The following SPIDR variants were observed in gnomAD, a reference collection of about 807,000 sequenced individuals.
The protein encoded by SPIDR is DNA repair-scaffolding protein.
Under a neutral mutation model 104.6 loss-of-function variants are expected in SPIDR, and 93 were observed. The ratio of observed to expected loss-of-function variants is 0.89; its 90% CI spans 0.75 to 1.06. The LOEUF is 1.06. Ranked by LOEUF, SPIDR falls within the 50% of genes least tolerant of loss-of-function variation. The pLI is 0.00. For missense variants in SPIDR, 1,154 were observed against 1,111.2 expected, an observed-to-expected ratio of 1.04 and a Z score of -0.55; for synonymous variants, 431 against 416.9, an observed-to-expected ratio of 1.03 and a Z score of -0.41.
chr8:47,714,951 C>A (rs79736159), intron 16 of SPIDR, among the ~76,000 whole-genome samples: 12 of 152,138 alleles, frequency 7.9e-5, no homozygotes, highest in Non-Finnish European at 1.8e-4. Context: ...CTTTATTGAG[C>A]TATAACTCAG....
At chr8:47,674,868 CCT>C (rs2076225309) in intron 11 of SPIDR, among the ~76,000 whole-genome samples, 1 of 152,180 alleles carries the variant, frequency 6.6e-6, no homozygotes, top group African/African-American at 2.4e-5. Flanking sequence ...GTCTCTCTTT[CCT>C]GTGGCACCGT....
intron 8 of SPIDR, chr8:47,511,901 G>C (rs1231530410): frequency 7.5e-6 from 6 of 797,116 alleles, no homozygotes; most frequent in African/African-American, 1.7e-5. Flanking sequence ...TCCTCATCTT[G>C]GTCATGAGTG....
At chr8:47,317,969 G>A (rs1268767884) in intron 5 of SPIDR, among the ~76,000 whole-genome samples, 4 of 152,082 alleles carry the variant, frequency 2.6e-5, no homozygotes, top group Non-Finnish European at 5.9e-5. Context: ...AGACCCAAAG[G>A]TAGATAAAAC....
chr8:47,693,047 TAG>T (rs1440290038), intron 11 of SPIDR, among the ~76,000 whole-genome samples: 1 of 152,218 alleles, frequency 6.6e-6, no homozygotes, highest in Non-Finnish European at 1.5e-5. Context: ...CTAATCTTGT[TAG>T]AGTCTTAAGG....
chr8:47,506,025 A>G (rs917796320), intron 8 of SPIDR, among the ~76,000 whole-genome samples: 8 of 152,234 alleles, frequency 5.3e-5, no homozygotes, highest in Non-Finnish European at 8.8e-5. Context: ...ATGGAAAATT[A>G]TGCCTTCTGT....
intron 10 of SPIDR, among the ~76,000 whole-genome samples, chr8:47,664,465 AAC>A (rs2074600779): frequency 6.6e-6 from 1 of 152,322 alleles, no homozygotes; most frequent in South Asian, 2.1e-4. Flanking sequence ...TGTCTAACCA[AAC>A]AGAGTGTCAA....
At chr8:47,299,241 T>A (rs1248043704) in intron 5 of SPIDR, among the ~76,000 whole-genome samples, 3 of 152,202 alleles carry the variant, frequency 2.0e-5, no homozygotes, top group African/African-American at 7.2e-5. Flanking sequence ...TCACTCATGA[T>A]TTGGCTCTCT....
chr8:47,280,130 G>A (rs1412152320), intron 2 of SPIDR, 113 bp downstream of exon 2: 35 of 1,080,946 alleles, frequency 3.2e-5, no homozygotes, highest in Admixed American at 4.7e-5. Flanking sequence ...TCAGAACACT[G>A]TAACTGGTAC....
Position 47,440,621 on chromosome 8 carries a change from T to G in SPIDR, c.1097+79T>G, listed in dbSNP as rs1214821417. On this transcript the variant is annotated intron_variant, in intron 8 of 19. Transcript: ENST00000297423. ...GAAAAGACATTTTTATCAGTTACAT[T>G]TTTGTCACTTTATCATAGAGCAATG... is the stretch of plus-strand genomic sequence containing the variant. 10 of 1,424,652 alleles carry G rather than the reference T, an allele frequency of 7.0e-6. No individual in the cohort carries two copies. In the African/African-American group the frequency reaches 1.4e-4, roughly 20 times the overall value. The allele number at this position is 1,424,652 out of a possible 1,614,324, so 88.3% of individuals were successfully genotyped here.
intron 7 of SPIDR, among the ~76,000 whole-genome samples, chr8:47,415,053 G>A (rs1211396218): frequency 2.6e-5 from 4 of 151,892 alleles, no homozygotes; most frequent in South Asian, 2.1e-4. Context: ...ACAGGCACCC[G>A]CCACCACGCC....
chr8:47,291,985 G>A (rs1055184754), intron 4 of SPIDR, among the ~76,000 whole-genome samples: 13 of 152,156 alleles, frequency 8.5e-5, no homozygotes, highest in African/African-American at 2.7e-4. Flanking sequence ...ATATTCTGCC[G>A]TGTCCCTTGC....
chr8:47,438,184 T>A (rs2068716904), intron 7 of SPIDR, among the ~76,000 whole-genome samples: 1 of 152,158 alleles, frequency 6.6e-6, no homozygotes, highest in Non-Finnish European at 1.5e-5. Flanking sequence ...ACACTTGAAC[T>A]TGAGCAGACC....
At chr8:47,573,145 A>C (rs1280354734) in intron 8 of SPIDR, among the ~76,000 whole-genome samples, 1 of 152,218 alleles carries the variant, frequency 6.6e-6, no homozygotes, top group East Asian at 1.9e-4. Context: ...TAAATCAGAA[A>C]GTCTACACAG....
At chr8:47,359,073 C>T (rs2055164324) in intron 5 of SPIDR, among the ~76,000 whole-genome samples, 1 of 151,744 alleles carries the variant, frequency 6.6e-6, no homozygotes, top group South Asian at 2.1e-4. Context: ...GATTCCCTCC[C>T]ACCAGTTAAA....
At chr8:47,377,399 T>G (rs2058782686) in intron 5 of SPIDR, among the ~76,000 whole-genome samples, 1 of 152,214 alleles carries the variant, frequency 6.6e-6, no homozygotes, top group Admixed American at 6.5e-5. Context: ...TGCAGTTTAT[T>G]ACAGCAAAGG....
chr8:47,473,827 G>A (rs114855774), intron 8 of SPIDR, among the ~76,000 whole-genome samples: 140 of 152,232 alleles, frequency 9.2e-4, no homozygotes, highest in African/African-American at 3.3e-3. Flanking sequence ...AGGAGGATGG[G>A]AATTTGTATG....
chr8:47,493,668 G>A (rs982564500), intron 8 of SPIDR, among the ~76,000 whole-genome samples: 2 of 152,166 alleles, frequency 1.3e-5, no homozygotes, highest in African/African-American at 4.8e-5. Context: ...GGGCTTAGAT[G>A]ATGAGAAAAT....
chr8:47,321,057 C>A (rs536645094), intron 5 of SPIDR, among the ~76,000 whole-genome samples: 1 of 152,268 alleles, frequency 6.6e-6, no homozygotes, highest in South Asian at 2.1e-4. Flanking sequence ...CCTCTCTCAC[C>A]GCTCCTATTC....
At chr8:47,448,169 AT>A (rs1336602917) in intron 8 of SPIDR, among the ~76,000 whole-genome samples, 2 of 152,136 alleles carry the variant, frequency 1.3e-5, no homozygotes, top group Non-Finnish European at 2.9e-5. Context: ...CCCAATACTC[AT>A]GCTTCTTTAT....
Sources: gnomAD v4.1 joint callset for allele counts (sites outside exome capture counted in the v4.1 genomes callset) on GRCh38, gnomAD v4.1.1 for gene constraint, MANE v1.5 for transcripts, NCBI Gene and HGNC (gene_info 2026-07-23, HGNC 2026-07-21) for gene names.